The following TLCD3A variants were observed in gnomAD, a reference collection of about 807,000 sequenced individuals.
TLCD3A encodes the protein TLC domain containing 3A.
Under a neutral mutation model 29.9 loss-of-function variants are expected in TLCD3A, and 17 were observed. The observed-to-expected ratio is 0.57, with a 90% CI of 0.39 to 0.85. The LOEUF (loss-of-function observed/expected upper bound fraction) is 0.85, where lower values mean the gene tolerates loss of function less well. TLCD3A is among the 40% of genes least tolerant of loss of function. The probability of loss-of-function intolerance (pLI) is 0.00; values close to 1 mark genes in which losing one functional copy is unlikely to be tolerated. For missense variants in TLCD3A, 332 were observed against 350.8 expected, an observed-to-expected ratio of 0.95 and a Z score of 0.43; for synonymous variants, 143 against 147.7, an observed-to-expected ratio of 0.97 and a Z score of 0.23.
At chr17:734,802 C>T (rs918887551) in intron 2 of TLCD3A, among the ~76,000 whole-genome samples, 1 of 152,142 alleles carries the variant, frequency 6.6e-6, no homozygotes, top group Non-Finnish European at 1.5e-5. Flanking sequence ...ACTAAAATGA[C>T]AAAGTCACAG....
chr17:733,448 A>G (rs1212757877), intron 2 of TLCD3A, among the ~76,000 whole-genome samples: 1 of 152,194 alleles, frequency 6.6e-6, no homozygotes, highest in Non-Finnish European at 1.5e-5. Flanking sequence ...GCGTGGAAGC[A>G]TTTACGACTG....
At chr17:739,417 G>C (rs1374946345) in intron 3 of TLCD3A, among the ~76,000 whole-genome samples, 1 of 152,170 alleles carries the variant, frequency 6.6e-6, no homozygotes, top group African/African-American at 2.4e-5. Context: ...TCAAACTCCT[G>C]ACCTCAGGTG....
rs571585131 is a variant in TLCD3A at position 735,677 on chromosome 17, T to C, written c.207-2169T>C. Among the ~76,000 whole-genome samples the C allele has an allele frequency of 2.0e-5, 3 of 152,088 alleles. No individual in the cohort carries two copies. The South Asian group carries it at 6.2e-4, about 32-fold the overall frequency. On this transcript the variant is annotated intron_variant, in intron 2 of 4. Transcript: ENST00000308278. ...GGCATCTTTTTGGCCAAAAGAAACC[T>C]AGCTAGGTCGGGTGCGGTGGCTCCT...
intron 1 of TLCD3A, 102 bp downstream of exon 1, chr17:732,871 C>G: frequency 2.9e-6 from 4 of 1,371,558 alleles, no homozygotes; most frequent in Non-Finnish European, 3.7e-6. Context: ...GCAGGAAGCC[C>G]GGGGGCTGCT....
At chr17:738,094 G>GTTTTTTT (rs200758501) in intron 3 of TLCD3A, 47 bp downstream of exon 3, 133 of 428,892 alleles carry the variant, frequency 3.1e-4, no homozygotes, top group African/African-American at 2.7e-3. Context: ...TGAGCTGGGT[G>GTTTTTTT]TCTTTTTTTT....
At position 732,702 on chromosome 17, in the gene TLCD3A, T is replaced by TGCACCTGGGCGCTGCGCCGCTCC. The variant is rs1974086710; in HGVS notation, c.56_78dup (p.Gln27AlafsTer18). ...CTTCTTCCCGGGGCTCTTCGCGCTC[T>TGCACCTGGGCGCTGCGCCGCTCC]GCACCTGGGCGCTGCGCCGCTCCCA... On this transcript the variant is annotated frameshift_variant, in exon 1 of 5. Transcript: ENST00000308278. LOFTEE classifies it high-confidence loss of function. The TGCACCTGGGCGCTGCGCCGCTCC allele has an allele frequency of 7.0e-7, 1 of 1,434,060 alleles. No individual in the cohort carries two copies. The highest frequency in any genetic ancestry group is 1.5e-5 in the African/African-American group (1 of 67,486). The allele number at this position is 1,434,060 out of a possible 1,614,324, so 88.8% of individuals were successfully genotyped here. A position where few individuals can be genotyped will look rare whatever the true frequency, so the allele number is the denominator to read the frequency against.
At chr17:740,452 C>A in intron 3 of TLCD3A, 53 bp from the exon 4 acceptor site, 1 of 1,362,058 alleles carries the variant, frequency 7.3e-7, no homozygotes, top group Non-Finnish European at 1.1e-6. Context: ...AATTTTCCTT[C>A]TGGTGGTTTC....
chr17:732,665 C>CG lies in TLCD3A; in HGVS notation c.23dup (p.Ala9ArgfsTer79). The CG allele has an allele frequency of 2.9e-6, 4 of 1,391,968 alleles. No individual in the cohort carries two copies. Among genetic ancestry groups the CG allele is most frequent in the East Asian group, 3.2e-5 (1 of 31,338 alleles). 86.2% of individuals were successfully genotyped at this position (1,391,968 alleles called of 1,614,324 possible). ...CAGCCCCGATGCTGCTGACGCTGGC[C>CG]GGGGGCGCGCTCTTCTTCCCGGGGC... On this transcript the variant is annotated frameshift_variant, in exon 1 of 5. Coordinates refer to ENST00000308278, the MANE Select transcript of TLCD3A (RefSeq NM_024792.3). LOFTEE classifies it high-confidence loss of function.
At chr17:733,023 C>G (rs750728400) in intron 1 of TLCD3A, 75 bp from the exon 2 acceptor site, 5 of 1,096,910 alleles carry the variant, frequency 4.6e-6, no homozygotes, top group South Asian at 1.5e-5. Context: ...AGAGTCAGGC[C>G]GAAGGGCCGG....
In TLCD3A at chr17:741,329, A is replaced by G; in HGVS notation, c.533A>G (p.Lys178Arg). 6.2e-7 allele frequency: 1 copy of G among 1,614,162 alleles called. No homozygotes were observed. ...QLKQQHTLLY[K>R]VNGILTLATF... Reference sequence around the variant, plus strand: ...AAGCAGCAGCACACCCTTCTGTACAAGGTGAATGGAATCCTCACGCTGGCC... The same window carrying G: ...AAGCAGCAGCACACCCTTCTGTACAGGGTGAATGGAATCCTCACGCTGGCC... Residue 178 changes from lysine (K) to arginine (R), a missense_variant, in exon 5 of 5, where the codon AAG becomes AGG. Lys to Arg is a conservative substitution (Grantham distance 26). Coordinates refer to ENST00000308278, the MANE Select transcript of TLCD3A (RefSeq NM_024792.3).
intron 3 of TLCD3A, among the ~76,000 whole-genome samples, chr17:739,685 T>C (rs1974218159): frequency 6.6e-6 from 1 of 152,242 alleles, no homozygotes; most frequent in African/African-American, 2.4e-5. Context: ...TAGAAGCTAT[T>C]AGTCTTATGC....
intron 2 of TLCD3A, among the ~76,000 whole-genome samples, chr17:733,471 G>C (rs75710066): frequency 2.0e-5 from 3 of 152,206 alleles, no homozygotes; most frequent in Admixed American, 2.0e-4. Context: ...AGTGTGGCTT[G>C]ATTCTTGCAG....
At chr17:733,026 A>AGGGGC (rs1974097875) in intron 1 of TLCD3A, 72 bp from the exon 2 acceptor site, 1 of 1,468,208 alleles carries the variant, frequency 6.8e-7, no homozygotes, top group African/African-American at 1.4e-5. Context: ...GTCAGGCCGA[A>AGGGGC]GGGCCGGGCC....
chr17:740,564 C>T lies in TLCD3A; in HGVS notation c.468C>T (p.Ser156=). ...FVGCIFTAEL[S]TPFVSLGRVL... The stretch of plus-strand genomic sequence containing the variant: ...GCTGCATCTTCACGGCAGAACTGAG[C>T]ACTCCGTTTGTGTCGCTGGGCAGGG... Residue 156 remains serine (S), a synonymous_variant, in exon 4 of 5, where the codon AGC becomes AGT. Transcript: ENST00000308278. 2 of 1,614,028 alleles carry T rather than the reference C, an allele frequency of 1.2e-6. No individual in the cohort carries two copies. The highest frequency in any genetic ancestry group is 1.7e-6 in the Non-Finnish European group (2 of 1,179,946).
Position 741,806 on chromosome 17 carries a change from T to TCC in TLCD3A, c.*236_*237insCC. On this transcript the variant is annotated 3_prime_UTR_variant, in exon 5 of 5. Transcript: ENST00000308278. ...GACCTCCACGGACAGCAAAGTGGTTTTAATGCAAGCCCAAGGATCCTTCTT... is the reference window on the plus strand; with the variant it reads ...GACCTCCACGGACAGCAAAGTGGTTTCCTAATGCAAGCCCAAGGATCCTTCTT... 1.8e-6 allele frequency: 1 copy of TCC among 564,354 alleles called. No individual in the cohort carries two copies. 35.0% of individuals were successfully genotyped at this position (564,354 alleles called of 1,614,324 possible).
intron 2 of TLCD3A, among the ~76,000 whole-genome samples, chr17:735,717 C>T (rs957084913): frequency 6.6e-5 from 10 of 152,078 alleles, no homozygotes; most frequent in Admixed American, 6.5e-4. Flanking sequence ...GTAATCCCAA[C>T]ACTTTGGGAG....
At chr17:735,163 C>T (rs1216335501) in intron 2 of TLCD3A, among the ~76,000 whole-genome samples, 2 of 152,164 alleles carry the variant, frequency 1.3e-5, no homozygotes, top group African/African-American at 4.8e-5. Context: ...GCTGAGGTTA[C>T]AGGCATGTGT....
rs1219768160 is a variant in TLCD3A, at chr17:741,482, T to G, written c.686T>G (p.Leu229Arg). 45 of 1,614,086 alleles carry G rather than the reference T, an allele frequency of 2.8e-5. No homozygotes were observed. The highest frequency in any genetic ancestry group is 3.8e-5 in the Non-Finnish European group (45 of 1,180,038). Residue 229 changes from leucine to arginine, a missense_variant, in exon 5 of 5, where the codon CTC (leucine) becomes CGC (arginine). Transcript: ENST00000308278. ...TACTGCAACGTGGCCAATGCCTTCC[T>G]CGTAGCTCCTCAGATCTACTGGTTC... ...PFYCNVANAF[L>R]VAPQIYWFCL...
At position 741,797 on chromosome 17, in the gene TLCD3A, A is replaced by G. The variant is rs1208097378; in HGVS notation, c.*227A>G. The G allele has an allele frequency of 3.4e-6, 2 of 582,182 alleles. No individual in the cohort carries two copies. The highest frequency in any genetic ancestry group is 1.9e-5 in the African/African-American group (1 of 53,526). 36.1% of individuals were successfully genotyped at this position (582,182 alleles called of 1,614,324 possible). ...GTCCTGTCAGACCTCCACGGACAGC[A>G]AAGTGGTTTTAATGCAAGCCCAAGG... On this transcript the variant is annotated 3_prime_UTR_variant, in exon 5 of 5. Transcript: ENST00000308278.
Sources: allele counts gnomAD v4.1 joint callset (sites outside exome capture counted in the v4.1 genomes callset), GRCh38; gene constraint gnomAD v4.1.1; transcripts MANE v1.5; gene names NCBI Gene and HGNC (gene_info 2026-07-23, HGNC 2026-07-21).